The following ZBTB20 variants were observed in gnomAD, a reference collection of about 807,000 sequenced individuals.
ZBTB20 encodes zinc finger and BTB domain-containing protein 20.
A neutral mutation model predicts 56.9 loss-of-function variants in ZBTB20; 9 were observed. That is an observed-to-expected ratio of 0.16 (90% CI 0.10 to 0.28). The LOEUF (loss-of-function observed/expected upper bound fraction) is 0.28, where lower values mean the gene tolerates loss of function less well. Ranked by LOEUF, ZBTB20 falls within the 10% of genes least tolerant of loss-of-function variation. The probability of loss-of-function intolerance (pLI) is 1.00; values close to 1 mark genes in which losing one functional copy is unlikely to be tolerated. For missense variants in ZBTB20, 655 were observed against 1,003.0 expected (o/e 0.65, Z 4.69); for synonymous variants, 417 against 420.7 (o/e 0.99, Z 0.11).
At chr3:114,887,013 G>A (rs978040142) in intron 4 of ZBTB20, among the ~76,000 whole-genome samples, 9 of 152,164 alleles carry the variant, frequency 5.9e-5, no homozygotes, top group African/African-American at 1.2e-4. Flanking sequence ...CCTTCTTGCC[G>A]TGACAACACT....
intron 4 of ZBTB20, among the ~76,000 whole-genome samples, chr3:114,828,522 ATTTG>A (rs1186759295): frequency 2.0e-5 from 3 of 151,778 alleles, no homozygotes; most frequent in Non-Finnish European, 4.4e-5. Flanking sequence ...TAATGTTTCT[ATTTG>A]TTTATTAGAA....
At chr3:114,610,183 G>A (rs995052516) in intron 6 of ZBTB20, among the ~76,000 whole-genome samples, 2 of 152,196 alleles carry the variant, frequency 1.3e-5, no homozygotes, top group African/African-American at 4.8e-5. Context: ...CCCACTGACA[G>A]GCAGATAAAT....
intron 7 of ZBTB20, among the ~76,000 whole-genome samples, chr3:114,404,188 T>C (rs958313542): frequency 1.3e-5 from 2 of 152,202 alleles, no homozygotes; most frequent in African/African-American, 4.8e-5. Flanking sequence ...CCTTTCTTTG[T>C]ATATCAGTGT....
chr3:114,695,878 GA>G (rs1261397382), intron 5 of ZBTB20, among the ~76,000 whole-genome samples: 2 of 151,816 alleles, frequency 1.3e-5, no homozygotes, highest in African/African-American at 4.8e-5. Context: ...ATGCATGTGG[GA>G]ATATGATATC....
intron 4 of ZBTB20, among the ~76,000 whole-genome samples, chr3:114,848,943 A>T (rs1224723126): frequency 6.6e-6 from 1 of 152,184 alleles, no homozygotes; most frequent in Non-Finnish European, 1.5e-5. Context: ...CCCTGCTTAG[A>T]TGGTCACCCC....
chr3:114,922,017 G>C (rs1195703536), intron 3 of ZBTB20, among the ~76,000 whole-genome samples: 6 of 152,104 alleles, frequency 3.9e-5, no homozygotes, highest in African/African-American at 1.4e-4. Context: ...GATCAGGTGG[G>C]ATTTATCTCT....
chr3:114,457,571 T>C (rs1308636161), intron 7 of ZBTB20, among the ~76,000 whole-genome samples: 4 of 152,184 alleles, frequency 2.6e-5, no homozygotes, highest in East Asian at 1.9e-4. Flanking sequence ...TGGGGTTGTA[T>C]TATTTCTTTG....
At chr3:114,517,737 G>A (rs541449624) in intron 6 of ZBTB20, among the ~76,000 whole-genome samples, 1 of 151,904 alleles carries the variant, frequency 6.6e-6, no homozygotes, top group Non-Finnish European at 1.5e-5. Context: ...TACCATGCCC[G>A]GCTAATTTTT....
chr3:115,075,991 A>T (rs1381694499), intron 1 of ZBTB20, among the ~76,000 whole-genome samples: 1 of 152,160 alleles, frequency 6.6e-6, no homozygotes, highest in African/African-American at 2.4e-5. Flanking sequence ...ACAAGGAACC[A>T]TCTGAAAAAA....
At chr3:114,576,496 C>T (rs954091799) in intron 6 of ZBTB20, among the ~76,000 whole-genome samples, 2 of 42,842 alleles carry the variant, frequency 4.7e-5, no homozygotes, top group East Asian at 7.6e-4. Context: ...AGCAAGACTC[C>T]GTCTCAAAAA....
intron 1 of ZBTB20, among the ~76,000 whole-genome samples, chr3:115,086,672 T>C (rs142382708): frequency 6.6e-6 from 1 of 151,948 alleles, no homozygotes; most frequent in Non-Finnish European, 1.5e-5. Context: ...TATATGAAGG[T>C]CCTCTACCTG....
chr3:114,352,867 T>C (rs898804768), intron 10 of ZBTB20, among the ~76,000 whole-genome samples: 2 of 152,182 alleles, frequency 1.3e-5, no homozygotes, highest in African/African-American at 4.8e-5. Context: ...CCTTGGGTAA[T>C]AGGGTGCTTT....
At chr3:114,411,045 C>G (rs879301744) in intron 7 of ZBTB20, among the ~76,000 whole-genome samples, 5 of 152,178 alleles carry the variant, frequency 3.3e-5, no homozygotes, top group Admixed American at 3.3e-4. Context: ...AAAAATGTAG[C>G]TGGGATGGAT....
chr3:115,048,879 G>A (rs1236132811), intron 2 of ZBTB20, among the ~76,000 whole-genome samples: 1 of 151,972 alleles, frequency 6.6e-6, no homozygotes, highest in Non-Finnish European at 1.5e-5. Context: ...CTAAAAAAAA[G>A]GATTTATACC....
At chr3:114,887,298 ATAGATATTTAC>A (rs1278122923) in intron 4 of ZBTB20, among the ~76,000 whole-genome samples, 3 of 152,208 alleles carry the variant, frequency 2.0e-5, no homozygotes, top group Non-Finnish European at 2.9e-5. Context: ...TAAGTCTTCC[ATAGATATTTAC>A]TACCAAAAAA....
rs531883681 is a variant in ZBTB20, at chr3:114,336,010, C to T, written c.*2995G>A. The T allele has an allele frequency of 2.1e-4, 32 of 152,306 alleles. No homozygotes were observed. The highest frequency in any genetic ancestry group is 6.0e-4 in the African/African-American group (25 of 41,560). 9.4% of individuals were successfully genotyped at this position (152,306 alleles called of 1,614,324 possible). On this transcript the variant is annotated 3_prime_UTR_variant, in exon 12 of 12. Coordinates refer to ENST00000675478, the MANE Select transcript of ZBTB20 (RefSeq NM_001348800.3). ...CAGATTTGAGAAACAGAAAGCTACA[C>T]GTGGCCCATAATGGCACCTAAGATC...
intron 2 of ZBTB20, among the ~76,000 whole-genome samples, chr3:115,003,913 T>A (rs913309643): frequency 1.3e-5 from 2 of 151,708 alleles, no homozygotes; most frequent in Non-Finnish European, 2.9e-5. Flanking sequence ...AACATTAATT[T>A]GTATTTATTA....
chr3:114,342,275 G>A lies in ZBTB20; in HGVS notation c.1805-2849C>T, dbSNP rs372488087. ...ATCCCAAAATGGTTTTAGACATTAT[G>A]CATAAAATGGATGAGGTCTGTCGAT... On this transcript the variant is annotated intron_variant, in intron 11 of 11. Transcript: ENST00000675478. 2.8e-4 allele frequency among the ~76,000 whole-genome samples: 42 copies of A among 152,270 alleles called. No individual in the cohort carries two copies. The South Asian group carries it at 6.8e-3, about 25-fold the overall frequency.
intron 7 of ZBTB20, among the ~76,000 whole-genome samples, chr3:114,412,375 A>G (rs1423586778): frequency 6.6e-6 from 1 of 152,154 alleles, no homozygotes; most frequent in Admixed American, 6.5e-5. Flanking sequence ...GTGTGAGCCA[A>G]GCAGTGTGCC....
Sources: allele counts gnomAD v4.1 joint callset (sites outside exome capture counted in the v4.1 genomes callset), GRCh38; gene constraint gnomAD v4.1.1; transcripts MANE v1.5; gene names NCBI Gene and HGNC (gene_info 2026-07-23, HGNC 2026-07-21).